Variants in BTBD9 observed in about 807,000 individuals in gnomAD.
The protein encoded by BTBD9 is BTB domain containing 9.
BTBD9 carries 49 observed loss-of-function variants against 64.3 expected under a neutral mutation model. The observed-to-expected ratio is 0.76, with a 90% CI of 0.61 to 0.97. BTBD9 has a LOEUF of 0.97. Ranked by LOEUF, BTBD9 falls within the 50% of genes least tolerant of loss-of-function variation. The probability of loss-of-function intolerance (pLI) is 0.00; values close to 1 mark genes in which losing one functional copy is unlikely to be tolerated. For missense variants in BTBD9, 598 were observed against 762.1 expected (o/e 0.78, Z 2.53); for synonymous variants, 260 against 274.7 (o/e 0.95, Z 0.53).
intron 6 of BTBD9, among the ~76,000 whole-genome samples, chr6:38,449,499 G>T (rs1769424298): frequency 1.3e-5 from 2 of 151,682 alleles, no homozygotes; most frequent in African/African-American, 4.8e-5. Context: ...GACAAAAGTG[G>T]CAAGAATATA....
chr6:38,361,668 C>A, intron 6 of BTBD9, among the ~76,000 whole-genome samples: 1 of 152,072 alleles, frequency 6.6e-6, no homozygotes, highest in Non-Finnish European at 1.5e-5. Context: ...TGGAGACACC[C>A]CGTTTCTACT....
intron 8 of BTBD9, among the ~76,000 whole-genome samples, chr6:38,256,861 G>A (rs1419918018): frequency 6.6e-6 from 1 of 152,138 alleles, no homozygotes; most frequent in Admixed American, 6.5e-5. Flanking sequence ...GCTCATGGGA[G>A]AAACTGTAAT....
chr6:38,235,256 A>C (rs946915144), intron 9 of BTBD9, among the ~76,000 whole-genome samples: 1 of 152,222 alleles, frequency 6.6e-6, no homozygotes, highest in African/African-American at 2.4e-5. Context: ...AAAGGTCTGC[A>C]TACGTTTCCT....
At chr6:38,388,973 A>G (rs935461664) in intron 6 of BTBD9, among the ~76,000 whole-genome samples, 2 of 152,212 alleles carry the variant, frequency 1.3e-5, no homozygotes, top group Admixed American at 1.3e-4. Flanking sequence ...TTTTAAACAA[A>G]GGGGGAAAAT....
chr6:38,392,152 C>T (rs1766448225), intron 6 of BTBD9, among the ~76,000 whole-genome samples: 1 of 151,902 alleles, frequency 6.6e-6, no homozygotes, highest in African/African-American at 2.4e-5. Context: ...AGTCCTCCTC[C>T]CAGAGTCTAG....
chr6:38,616,485 C>A (rs1045726598), intron 1 of BTBD9, among the ~76,000 whole-genome samples: 1 of 151,910 alleles, frequency 6.6e-6, no homozygotes, highest in African/African-American at 2.4e-5. Context: ...GCAAGCCAGG[C>A]ACATGTCTAA....
intron 6 of BTBD9, among the ~76,000 whole-genome samples, chr6:38,532,856 CCTT>C (rs1773858238): frequency 6.6e-6 from 1 of 151,648 alleles, no homozygotes; most frequent in Non-Finnish European, 1.5e-5. Flanking sequence ...GGGAGAGACT[CCTT>C]CTGCTTGAGA....
chr6:38,355,915 A>G (rs1238682495), intron 6 of BTBD9, among the ~76,000 whole-genome samples: 1 of 152,228 alleles, frequency 6.6e-6, no homozygotes, highest in Admixed American at 6.5e-5. Context: ...ACGTGGTCTG[A>G]ACATTATCCT....
At chr6:38,615,169 C>G (rs926085185) in intron 1 of BTBD9, among the ~76,000 whole-genome samples, 7 of 152,236 alleles carry the variant, frequency 4.6e-5, no homozygotes, top group Admixed American at 4.6e-4. Context: ...CCAAGTGCAA[C>G]TCAGGTGCCA....
At chr6:38,393,707 TC>T (rs1310365014) in intron 6 of BTBD9, among the ~76,000 whole-genome samples, 2 of 152,202 alleles carry the variant, frequency 1.3e-5, no homozygotes, top group African/African-American at 4.8e-5. Context: ...ATACAAATTA[TC>T]TGAAATTGTA....
intron 6 of BTBD9, among the ~76,000 whole-genome samples, chr6:38,396,002 C>G (rs1766654548): frequency 6.6e-6 from 1 of 152,170 alleles, no homozygotes; most frequent in Non-Finnish European, 1.5e-5. Context: ...AGCCACCGCA[C>G]CTGGCCTTGT....
At chr6:38,474,672 A>C (rs4236058) in intron 6 of BTBD9, among the ~76,000 whole-genome samples, 109,162 of 152,086 alleles carry the variant, frequency 0.72, 39,455 homozygotes, top group East Asian at 0.96. Context: ...TGAATCAATA[A>C]CAGCATCAGT....
intron 6 of BTBD9, among the ~76,000 whole-genome samples, chr6:38,345,379 T>C (rs1402931649): frequency 1.3e-5 from 2 of 152,236 alleles, no homozygotes; most frequent in African/African-American, 2.4e-5. Context: ...AGTTCAACCC[T>C]TGAATGTCAG....
At chr6:38,636,975 C>T (rs980917455) in intron 1 of BTBD9, among the ~76,000 whole-genome samples, 8 of 152,268 alleles carry the variant, frequency 5.3e-5, no homozygotes, top group African/African-American at 1.7e-4. Flanking sequence ...TTTCCAAAAG[C>T]GCTATTTAAT....
intron 1 of BTBD9, among the ~76,000 whole-genome samples, chr6:38,634,593 G>A (rs1349362430): frequency 6.6e-6 from 1 of 151,886 alleles, no homozygotes; most frequent in Admixed American, 6.6e-5. Flanking sequence ...AAAGGGGGGG[G>A]AGAGGGCATC....
At chr6:38,358,384 C>T (rs953119569) in intron 6 of BTBD9, among the ~76,000 whole-genome samples, 11 of 152,214 alleles carry the variant, frequency 7.2e-5, no homozygotes, top group Non-Finnish European at 1.2e-4. Context: ...CCCCTGTAGG[C>T]TTCCTGATGC....
intron 10 of BTBD9, 117 bp downstream of exon 10, chr6:38,192,402 C>G: frequency 2.3e-6 from 2 of 875,932 alleles, no homozygotes; most frequent in Non-Finnish European, 3.7e-6. Context: ...CCACACCAAG[C>G]TGTCTGAATA....
chr6:38,231,646 G>A (rs1394588557), intron 9 of BTBD9, among the ~76,000 whole-genome samples: 2 of 152,102 alleles, frequency 1.3e-5, no homozygotes, highest in Non-Finnish European at 2.9e-5. Flanking sequence ...CATAAAGTGG[G>A]CCATAAAAGA....
At chr6:38,437,583 C>G (rs1340222336) in intron 6 of BTBD9, among the ~76,000 whole-genome samples, 3 of 152,256 alleles carry the variant, frequency 2.0e-5, no homozygotes, top group East Asian at 3.9e-4. Context: ...AACTGTAATG[C>G]CCTTTCCACA....
Sources: allele counts gnomAD v4.1 joint callset (sites outside exome capture counted in the v4.1 genomes callset), GRCh38; gene constraint gnomAD v4.1.1; transcripts MANE v1.5; gene names NCBI Gene and HGNC (gene_info 2026-07-23, HGNC 2026-07-21).